Variants in PLD5 observed in about 807,000 individuals in gnomAD.
PLD5 encodes phospholipase D family member 5, also known as inactive phospholipase D5.
A neutral mutation model predicts 61.1 loss-of-function variants in PLD5; 36 were observed. The ratio of observed to expected loss-of-function variants is 0.59; its 90% confidence interval spans 0.45 to 0.78. The LOEUF is 0.78. PLD5 is among the 30% of genes least tolerant of loss of function. The pLI is 0.00. For missense variants in PLD5, 515 were observed against 644.4 expected (o/e 0.80, Z 2.17); for synonymous variants, 243 against 242.8 (o/e 1.00, Z -0.01).
chr1:242,118,737 G>A (rs1662142793), intron 6 of PLD5, among the ~76,000 whole-genome samples: 1 of 152,178 alleles, frequency 6.6e-6, no homozygotes, highest in Admixed American at 6.5e-5. Flanking sequence ...CCAGCTCCAT[G>A]TGTTTATGAA....
At chr1:242,162,348 G>GTCGTT (rs1183374920) in intron 5 of PLD5, among the ~76,000 whole-genome samples, 1 of 152,114 alleles carries the variant, frequency 6.6e-6, no homozygotes, top group Non-Finnish European at 1.5e-5. Flanking sequence ...CACTCCATCA[G>GTCGTT]TCGTTTCTCC....
chr1:242,225,744 T>C (rs1670901431), intron 4 of PLD5, among the ~76,000 whole-genome samples: 1 of 152,280 alleles, frequency 6.6e-6, no homozygotes, highest in Non-Finnish European at 1.5e-5. Flanking sequence ...TTTCATTGTA[T>C]GGAAGGCACC....
At chr1:242,410,627 C>T (rs73132322) in intron 1 of PLD5, among the ~76,000 whole-genome samples, 5,003 of 151,974 alleles carry the variant, frequency 0.033, 291 homozygotes, top group African/African-American at 0.11. Context: ...CATTCATCAG[C>T]AAATCATAAA....
At chr1:242,508,867 G>A (rs1158717566) in intron 1 of PLD5, among the ~76,000 whole-genome samples, 1 of 152,162 alleles carries the variant, frequency 6.6e-6, no homozygotes, top group Non-Finnish European at 1.5e-5. Flanking sequence ...GATCACTTGA[G>A]ATCAGGAGCT....
chr1:242,277,416 A>G (rs316904), intron 3 of PLD5, among the ~76,000 whole-genome samples: 120,259 of 139,150 alleles, frequency 0.86, 52,530 homozygotes, highest in East Asian at 0.94. Flanking sequence ...GTCTTAACAA[A>G]GCAGCTCAGA....
At chr1:242,402,196 G>T (rs144253876) in intron 1 of PLD5, among the ~76,000 whole-genome samples, 41 of 152,314 alleles carry the variant, frequency 2.7e-4, no homozygotes, top group African/African-American at 9.6e-4. Flanking sequence ...ATAACTGTAA[G>T]ATGTAATTTA....
intron 7 of PLD5, among the ~76,000 whole-genome samples, chr1:242,111,202 G>A (rs1277337295): frequency 1.3e-5 from 2 of 151,994 alleles, no homozygotes; most frequent in Admixed American, 1.3e-4. Context: ...GATTATAGGT[G>A]TCTGCCACCA....
At chr1:242,164,763 C>T (rs549173576) in intron 5 of PLD5, among the ~76,000 whole-genome samples, 1 of 152,114 alleles carries the variant, frequency 6.6e-6, no homozygotes, top group Non-Finnish European at 1.5e-5. Context: ...TCACTTGAGC[C>T]TCCAATTATG....
intron 4 of PLD5, among the ~76,000 whole-genome samples, chr1:242,241,826 A>G (rs1297343775): frequency 6.8e-6 from 1 of 147,260 alleles, no homozygotes; most frequent in Non-Finnish European, 1.5e-5. Context: ...AGCATTAAAA[A>G]TATTGAAGAA....
intron 4 of PLD5, among the ~76,000 whole-genome samples, chr1:242,264,501 G>A (rs1673545359): frequency 6.6e-6 from 1 of 152,100 alleles, no homozygotes; most frequent in African/African-American, 2.4e-5. Flanking sequence ...ATTCTTAGAA[G>A]GAATTGCCAC....
chr1:242,427,798 C>T (rs1025305337), intron 1 of PLD5, among the ~76,000 whole-genome samples: 25 of 152,282 alleles, frequency 1.6e-4, no homozygotes, highest in East Asian at 1.2e-3. Context: ...ACACCAGAAA[C>T]GGATGTGTGC....
chr1:242,134,588 C>G (rs77380728), intron 5 of PLD5, among the ~76,000 whole-genome samples: 2 of 152,176 alleles, frequency 1.3e-5, no homozygotes, highest in African/African-American at 4.8e-5. Context: ...AGTAGAGAAA[C>G]GCTGTAAAAA....
At chr1:242,488,913 CT>C (rs988234632) in intron 1 of PLD5, among the ~76,000 whole-genome samples, 2 of 151,886 alleles carry the variant, frequency 1.3e-5, no homozygotes, top group Non-Finnish European at 2.9e-5. Context: ...AGTAAAGACT[CT>C]TTTTTAAAAT....
chr1:242,198,594 G>A (rs916467590), intron 5 of PLD5, among the ~76,000 whole-genome samples: 27 of 143,670 alleles, frequency 1.9e-4, no homozygotes, highest in African/African-American at 6.8e-4. Context: ...GTGCTAACAA[G>A]ACTGCCACTA....
intron 5 of PLD5, among the ~76,000 whole-genome samples, chr1:242,162,871 G>A (rs1033929515): frequency 1.3e-5 from 2 of 152,084 alleles, no homozygotes; most frequent in African/African-American, 4.8e-5. Context: ...GAGGGTAGAT[G>A]GTAGCATGGC....
intron 5 of PLD5, among the ~76,000 whole-genome samples, chr1:242,155,133 C>CTGTTTGTT (rs773198754): frequency 2.9e-4 from 44 of 152,130 alleles, no homozygotes; most frequent in Non-Finnish European, 4.9e-4. Flanking sequence ...TTATTATTTG[C>CTGTTTGTT]GTAGAGCTGT....
chr1:242,496,484 T>C (rs1203522214), intron 1 of PLD5, among the ~76,000 whole-genome samples: 1 of 152,234 alleles, frequency 6.6e-6, no homozygotes, highest in African/African-American at 2.4e-5. Context: ...CTTGATTATG[T>C]TCCCACTGGC....
chr1:242,491,720 CTA>C (rs1186618171), intron 1 of PLD5, among the ~76,000 whole-genome samples: 7 of 152,172 alleles, frequency 4.6e-5, no homozygotes, highest in African/African-American at 1.7e-4. Context: ...TTCAGATTTT[CTA>C]TGTCCTCATT....
At chr1:242,486,110 C>T (rs1377365975) in intron 1 of PLD5, among the ~76,000 whole-genome samples, 10 of 152,034 alleles carry the variant, frequency 6.6e-5, no homozygotes, top group Admixed American at 3.3e-4. Context: ...ACCATAAAAA[C>T]CCTAGAAGAA....
Sources: gnomAD v4.1 joint callset for allele counts (sites outside exome capture counted in the v4.1 genomes callset) on GRCh38, gnomAD v4.1.1 for gene constraint, MANE v1.5 for transcripts, NCBI Gene and HGNC (gene_info 2026-07-23, HGNC 2026-07-21) for gene names.